Variants in TRIM2 observed in about 807,000 individuals in gnomAD.
TRIM2 encodes tripartite motif-containing protein 2.
A neutral mutation model predicts 75.2 loss-of-function variants in TRIM2; 20 were observed. The ratio of observed to expected loss-of-function variants is 0.27; its 90% CI spans 0.19 to 0.39. The LOEUF (loss-of-function observed/expected upper bound fraction) is 0.39. Ranked by LOEUF, TRIM2 falls within the 10% of genes least tolerant of loss-of-function variation. The pLI is 1.00. For synonymous variants in TRIM2, 373 were observed against 388.3 expected, an observed-to-expected ratio of 0.96 and a Z score of 0.46; for missense variants, 660 against 990.8, an observed-to-expected ratio of 0.67 and a Z score of 4.48.
chr4:153,316,462 C>G (rs1423798875), intron 8 of TRIM2, among the ~76,000 whole-genome samples: 1 of 151,824 alleles, frequency 6.6e-6, no homozygotes, highest in Non-Finnish European at 1.5e-5. Context: ...ATGTACAGGC[C>G]CATTTTGGAA....
intron 1 of TRIM2, among the ~76,000 whole-genome samples, chr4:153,160,105 T>C (rs1729605932): frequency 6.6e-6 from 1 of 152,208 alleles, no homozygotes; most frequent in African/African-American, 2.4e-5. Context: ...AGAATATGAG[T>C]CAGTTACAAT....
At chr4:153,284,042 G>T (rs1240256463) in intron 3 of TRIM2, among the ~76,000 whole-genome samples, 14 of 148,092 alleles carry the variant, frequency 9.5e-5, no homozygotes, top group Non-Finnish European at 1.2e-4. Context: ...GCTAATTTTT[G>T]TATTTTTTTT....
chr4:153,317,041 C>T (rs929134581), intron 8 of TRIM2, among the ~76,000 whole-genome samples: 5 of 151,580 alleles, frequency 3.3e-5, no homozygotes, highest in African/African-American at 9.7e-5. Flanking sequence ...CCACCACGCC[C>T]GGCTAACTTT....
chr4:153,245,485 G>A (rs1486088548), intron 1 of TRIM2, among the ~76,000 whole-genome samples: 1 of 152,224 alleles, frequency 6.6e-6, no homozygotes, highest in African/African-American at 2.4e-5. Context: ...GCCAAATCTG[G>A]CCCACGGCCT....
intron 1 of TRIM2, chr4:153,266,986 A>C (rs1375442019): frequency 6.7e-6 from 1 of 150,272 alleles, no homozygotes; most frequent in Non-Finnish European, 1.5e-5. Flanking sequence ...GGTTACCTGT[A>C]AACACCACTG....
chr4:153,284,122 G>T (rs918302955), intron 3 of TRIM2, among the ~76,000 whole-genome samples: 2 of 151,278 alleles, frequency 1.3e-5, no homozygotes, highest in Non-Finnish European at 2.9e-5. Flanking sequence ...CAGGTGATCC[G>T]CCCACTTCGG....
chr4:153,222,079 G>GCA (rs1740712521), intron 1 of TRIM2, among the ~76,000 whole-genome samples: 1 of 145,248 alleles, frequency 6.9e-6, no homozygotes, highest in African/African-American at 2.5e-5. Flanking sequence ...GAAAGAAAGA[G>GCA]AGAGAGAGGA....
In TRIM2 at chr4:153,300,424, T is replaced by C. The variant is rs145664341; in HGVS notation, c.1510+4388T>C. On this transcript the variant is annotated intron_variant, in intron 6 of 11. Coordinates refer to ENST00000338700, the MANE Select transcript of TRIM2 (RefSeq NM_015271.5). ...CCTCTCAAGTAGCTGGGACCACAGA[T>C]ATGTGCCGCCATACCTGACTAATTT... Among the ~76,000 whole-genome samples the C allele has an allele frequency of 6.7e-3, 1,027 of 152,260 alleles. 13 individuals are homozygous for C. The highest frequency in any genetic ancestry group is 0.023 in the African/African-American group (969 of 41,538).
At chr4:153,232,054 G>T (rs555998484) in intron 1 of TRIM2, among the ~76,000 whole-genome samples, 1 of 151,664 alleles carries the variant, frequency 6.6e-6, no homozygotes, top group African/African-American at 2.4e-5. Context: ...TCCAAAATAT[G>T]AAAAAAAACC....
intron 3 of TRIM2, among the ~76,000 whole-genome samples, chr4:153,287,049 G>A (rs958014475): frequency 2.0e-5 from 3 of 151,796 alleles, no homozygotes; most frequent in African/African-American, 7.3e-5. Flanking sequence ...CATGATCATA[G>A]CTCACTGCAG....
At chr4:153,315,439 C>G (rs757272609) in intron 6 of TRIM2, 46 bp from the exon 7 acceptor site, 6 of 1,442,810 alleles carry the variant, frequency 4.2e-6, no homozygotes, top group African/African-American at 1.4e-5. Flanking sequence ...ACAGAGAAAT[C>G]TAACCCTTTA....
At chr4:153,234,623 ATT>A (rs1484145016) in intron 1 of TRIM2, among the ~76,000 whole-genome samples, 2 of 152,194 alleles carry the variant, frequency 1.3e-5, no homozygotes. Context: ...GCTTAGAGTC[ATT>A]GTCTGTAAAA....
chr4:153,271,191 T>A (rs1756588514), intron 2 of TRIM2, among the ~76,000 whole-genome samples: 1 of 152,216 alleles, frequency 6.6e-6, no homozygotes, highest in African/African-American at 2.4e-5. Flanking sequence ...ATAAGTTTGT[T>A]AGTAATTAGT....
intron 11 of TRIM2, among the ~76,000 whole-genome samples, chr4:153,332,065 T>A (rs1771593949): frequency 6.6e-6 from 1 of 152,180 alleles, no homozygotes; most frequent in Non-Finnish European, 1.5e-5. Flanking sequence ...AGATAAACTT[T>A]TAGAATAATT....
chr4:153,195,118 A>G (rs1319344147), intron 1 of TRIM2, among the ~76,000 whole-genome samples: 1 of 152,238 alleles, frequency 6.6e-6, no homozygotes, highest in Non-Finnish European at 1.5e-5. Context: ...CTTAAATCCA[A>G]TGGTGATTGT....
At chr4:153,322,200 G>A (rs1769148325) in intron 8 of TRIM2, among the ~76,000 whole-genome samples, 1 of 152,098 alleles carries the variant, frequency 6.6e-6, no homozygotes, top group Admixed American at 6.5e-5. Context: ...ACAAGGTCAG[G>A]AGTTCAAGAC....
rs76361594 is a variant in TRIM2 at position 153,302,894 on chromosome 4, A to C, written c.1510+6858A>C. On this transcript the variant is annotated intron_variant, in intron 6 of 11. Transcript: ENST00000338700. ...ATCATTTATAATTCCCAAAAAATAC[A>C]CAGAAGAATGCTTTGCATAAGTACT... Among the ~76,000 whole-genome samples the C allele has an allele frequency of 6.8e-3, 1,029 of 152,320 alleles. 12 individuals are homozygous for C. Among genetic ancestry groups the C allele is most frequent in the African/African-American group, 0.023 (970 of 41,568 alleles).
At chr4:153,244,153 G>A (rs200171962) in intron 1 of TRIM2, among the ~76,000 whole-genome samples, 1 of 111,300 alleles carries the variant, frequency 9.0e-6, no homozygotes, top group African/African-American at 3.3e-5. Flanking sequence ...TGTTCTTCTT[G>A]TTCTTCTTCT....
chr4:153,329,892 A>AT (rs1771087499), intron 11 of TRIM2, among the ~76,000 whole-genome samples: 1 of 152,082 alleles, frequency 6.6e-6, no homozygotes. Context: ...AATAGGGAAA[A>AT]TCCATGAAAT....
Sources: allele counts gnomAD v4.1 joint callset (sites outside exome capture counted in the v4.1 genomes callset), GRCh38; gene constraint gnomAD v4.1.1; transcripts MANE v1.5; gene names NCBI Gene and HGNC (gene_info 2026-07-23, HGNC 2026-07-21).